RNF115: variants seen among roughly 807,000 people sequenced by gnomAD.
The protein encoded by RNF115 is E3 ubiquitin-protein ligase RNF115.
RNF115 carries 31 observed loss-of-function variants against 39.2 expected under a neutral mutation model. The ratio of observed to expected loss-of-function variants is 0.79; its 90% CI spans 0.59 to 1.07. The LOEUF (loss-of-function observed/expected upper bound fraction) is 1.07, where lower values mean the gene tolerates loss of function less well. Ranked by LOEUF, RNF115 falls within the 50% of genes least tolerant of loss-of-function variation. The probability of loss-of-function intolerance (pLI) is 0.00; values close to 1 mark genes in which losing one functional copy is unlikely to be tolerated. For synonymous variants in RNF115, 124 were observed against 131.0 expected, an observed-to-expected ratio of 0.95 and a Z score of 0.37; for missense variants, 384 against 381.7, an observed-to-expected ratio of 1.01 and a Z score of -0.05.
chr1:145,768,893 G>C (rs1647509643), intron 4 of RNF115, among the ~76,000 whole-genome samples: 1 of 152,202 alleles, frequency 6.6e-6, no homozygotes, highest in African/African-American at 2.4e-5. Flanking sequence ...GCTGGGTATA[G>C]TAATAGGCCC....
intron 4 of RNF115, among the ~76,000 whole-genome samples, chr1:145,759,271 C>T (rs587767235): frequency 3.9e-5 from 6 of 152,310 alleles, no homozygotes; most frequent in Admixed American, 3.9e-4. Flanking sequence ...CCACAACTTC[C>T]AAATATTATC....
rs1397337950 is a variant in RNF115 at position 145,824,064 on chromosome 1, C to G, written c.-191G>C. ...CCAACAGCTACCCTGCGGCCCGCCT[C>G]CCAGCACCAAAGAGGCGCAGGAAGG... is the stretch of plus-strand genomic sequence containing the variant. On this transcript the variant is annotated 5_prime_UTR_variant, in exon 1 of 9. Coordinates refer to ENST00000582693, the MANE Select transcript of RNF115 (RefSeq NM_014455.4). 1 of 487,744 alleles carries G rather than the reference C, an allele frequency of 2.1e-6. No individual in the cohort carries two copies. The highest frequency in any genetic ancestry group is 2.1e-5 in the African/African-American group (1 of 48,480). 30.2% of individuals were successfully genotyped at this position (487,744 alleles called of 1,614,324 possible). A position where few individuals can be genotyped will look rare whatever the true frequency, so the allele number is the denominator to read the frequency against.
intron 4 of RNF115, among the ~76,000 whole-genome samples, chr1:145,764,619 G>A (rs1198802534): frequency 6.7e-6 from 1 of 149,508 alleles, no homozygotes. Context: ...GCCCCGTCTG[G>A]GAAGTGAGGA....
At chr1:145,796,366 T>A (rs1648977997) in intron 1 of RNF115, among the ~76,000 whole-genome samples, 1 of 152,196 alleles carries the variant, frequency 6.6e-6, no homozygotes, top group African/African-American at 2.4e-5. Context: ...ACATGTAGAT[T>A]TGTTGTATTA....
At chr1:145,771,430 G>T (rs587728613) in intron 4 of RNF115, among the ~76,000 whole-genome samples, 3 of 152,122 alleles carry the variant, frequency 2.0e-5, no homozygotes, top group African/African-American at 4.8e-5. Context: ...CCCAGTCTCA[G>T]GTATTCTGCT....
At position 145,752,963 on chromosome 1, in the gene RNF115, C is replaced by G; in HGVS notation, c.500+15G>C. 1 of 1,551,190 alleles carries G rather than the reference C, an allele frequency of 6.4e-7. No homozygotes were observed. Among genetic ancestry groups the G allele is most frequent in the Non-Finnish European group, 8.9e-7 (1 of 1,123,726 alleles). ...CACTCCAATAGAGTAAGATAGAAAA[C>G]AATTAGTTACTTACCAGGAAAAAGG... On this transcript the variant is annotated intron_variant, in intron 5 of 8. Coordinates refer to ENST00000582693, the MANE Select transcript of RNF115 (RefSeq NM_014455.4).
At chr1:145,776,049 C>T (rs754286876) in intron 3 of RNF115, among the ~76,000 whole-genome samples, 131 of 144,970 alleles carry the variant, frequency 9.0e-4, no homozygotes, top group Non-Finnish European at 1.6e-3. Flanking sequence ...TCTTATTGTA[C>T]TATACTCACC....
At chr1:145,747,075 AG>A in intron 8 of RNF115, 78 bp from the exon 9 acceptor site, 1 of 1,411,856 alleles carries the variant, frequency 7.1e-7, no homozygotes, top group Non-Finnish European at 9.7e-7. Context: ...AATAACCCTG[AG>A]AATTGTCACA....
intron 4 of RNF115, among the ~76,000 whole-genome samples, chr1:145,760,454 G>C (rs190668641): frequency 6.6e-6 from 1 of 152,170 alleles, no homozygotes; most frequent in Non-Finnish European, 1.5e-5. Context: ...CCCACATGCT[G>C]TGAGAGGGAC....
chr1:145,789,265 A>T (rs1553718583), intron 1 of RNF115, among the ~76,000 whole-genome samples: 2 of 151,700 alleles, frequency 1.3e-5, no homozygotes, highest in East Asian at 1.9e-4. Context: ...AACATACCTA[A>T]TTTTTTTTAT....
Position 145,746,805 on chromosome 1 carries a change from T to C in RNF115, c.*61A>G, listed in dbSNP as rs1657893564. ...TCCATCTACTAATTTTTTGTTTTGA[T>C]ACAATTTACAGCTATGGTAAGATGA... On this transcript the variant is annotated 3_prime_UTR_variant, in exon 9 of 9. Transcript: ENST00000582693. The C allele has an allele frequency of 1.9e-6, 3 of 1,542,978 alleles. No homozygotes were observed. The South Asian group carries it at 3.7e-5, about 19-fold the overall frequency.
chr1:145,750,111 T>C (rs1376751844), intron 7 of RNF115, among the ~76,000 whole-genome samples: 1 of 152,184 alleles, frequency 6.6e-6, no homozygotes, highest in Non-Finnish European at 1.5e-5. Context: ...TTCTTATCTA[T>C]CTTTGTACCT....
chr1:145,815,599 T>C (rs1291956255), intron 1 of RNF115, among the ~76,000 whole-genome samples: 7 of 152,034 alleles, frequency 4.6e-5, no homozygotes, highest in African/African-American at 1.4e-4. Flanking sequence ...TACCCAGTCA[T>C]TCATCATCAA....
At chr1:145,778,937 A>G (rs587726590) in intron 3 of RNF115, among the ~76,000 whole-genome samples, 17 of 152,322 alleles carry the variant, frequency 1.1e-4, no homozygotes, top group African/African-American at 3.8e-4. Context: ...CAGGTAGGTC[A>G]TCCTGTATAA....
intron 1 of RNF115, among the ~76,000 whole-genome samples, chr1:145,799,669 C>T (rs76255797): frequency 0.023 from 3,548 of 151,998 alleles, 158 homozygotes; most frequent in African/African-American, 0.081. Context: ...TGATATGGTA[C>T]GATCTTTGCT....
At chr1:145,809,141 C>T (rs1329476041) in intron 1 of RNF115, among the ~76,000 whole-genome samples, 1 of 151,964 alleles carries the variant, frequency 6.6e-6, no homozygotes, top group East Asian at 1.9e-4. Flanking sequence ...TTGAGCCAAC[C>T]CTTTAGTCAT....
At chr1:145,767,821 A>T (rs1295765255) in intron 4 of RNF115, among the ~76,000 whole-genome samples, 1 of 152,216 alleles carries the variant, frequency 6.6e-6, no homozygotes, top group Non-Finnish European at 1.5e-5. Flanking sequence ...AAAAATACGA[A>T]AACCAGTCAG....
At chr1:145,821,182 A>T (rs1294940743) in intron 1 of RNF115, among the ~76,000 whole-genome samples, 2 of 113,422 alleles carry the variant, frequency 1.8e-5, no homozygotes, top group African/African-American at 5.7e-5. Flanking sequence ...GGCAGGAGCC[A>T]CATATCACTC....
chr1:145,742,358 G>A lies in RNF115; in HGVS notation c.*4508C>T, dbSNP rs1559098861. ...AAAAAAATCAATAGATAACCGTATT[G>A]TAGTTCAACTGATTATAATATAGAA... On this transcript the variant is annotated 3_prime_UTR_variant, in exon 9 of 9. Coordinates refer to ENST00000582693, the MANE Select transcript of RNF115 (RefSeq NM_014455.4). 1 of 152,160 alleles carries A rather than the reference G, an allele frequency of 6.6e-6. No homozygotes were observed. Among genetic ancestry groups the A allele is most frequent in the Non-Finnish European group, 1.5e-5 (1 of 68,032 alleles). 9.4% of individuals were successfully genotyped at this position (152,160 alleles called of 1,614,324 possible).
Sources: allele counts gnomAD v4.1 joint callset (sites outside exome capture counted in the v4.1 genomes callset), GRCh38; gene constraint gnomAD v4.1.1; transcripts MANE v1.5; gene names NCBI Gene and HGNC (gene_info 2026-07-23, HGNC 2026-07-21).